Variants in PTPRO observed in about 807,000 individuals in gnomAD.
PTPRO encodes the protein protein tyrosine phosphatase receptor type O, also known as receptor-type tyrosine-protein phosphatase O.
In PTPRO, 62 loss-of-function variants were observed where a neutral mutation model predicts 145.2. The ratio of observed to expected loss-of-function variants is 0.43; its 90% CI spans 0.35 to 0.53. PTPRO has a LOEUF of 0.53. Among genes scored for constraint, PTPRO ranks in the 20% least tolerant of loss-of-function variants. The pLI is 0.01. For missense variants in PTPRO, 1,345 were observed against 1,482.7 expected (o/e 0.91, Z 1.53); for synonymous variants, 565 against 514.7 (o/e 1.10, Z -1.32).
rs532522103 is a variant in PTPRO at position 15,451,869 on chromosome 12, C to T, written c.76-32105C>T. On this transcript the variant is annotated intron_variant, in intron 1 of 26. Coordinates refer to ENST00000281171, the MANE Select transcript of PTPRO (RefSeq NM_030667.3). ...CTGTGCTGAGAGAAAACTTCATAGC[C>T]TTGAATGCCTACATCAAAGAGTCTG... 2.0e-5 allele frequency among the ~76,000 whole-genome samples: 3 copies of T among 152,254 alleles called. No homozygotes were observed. The South Asian group carries it at 6.2e-4, about 32-fold the overall frequency.
At chr12:15,323,821 T>C (rs981684226) in intron 1 of PTPRO, among the ~76,000 whole-genome samples, 10 of 152,296 alleles carry the variant, frequency 6.6e-5, no homozygotes, top group South Asian at 6.2e-4. Flanking sequence ...AGTCACTTCT[T>C]GCTTATATGC....
chr12:15,508,709 C>T lies in PTPRO; in HGVS notation c.1406C>T (p.Ser469Leu), dbSNP rs1942374072. 8 of 1,613,928 alleles carry T rather than the reference C, an allele frequency of 5.0e-6. No homozygotes were observed. Among genetic ancestry groups the T allele is most frequent in the Non-Finnish European group, 6.8e-6 (8 of 1,180,010 alleles). The change falls in exon 7 of 27, where the codon TCG becomes TTG. Residue 469 changes from serine to leucine, a missense_variant. Physicochemically the swap from Ser to Leu is moderately radical, Grantham distance 145. Around this residue, in one of 3 missense-constraint regions of PTPRO, gnomAD observed 1,130 missense variants for 1,214.7 expected, o/e 0.93. Coordinates refer to ENST00000281171, the MANE Select transcript of PTPRO (RefSeq NM_030667.3). ...NYNSTIVSVV[S>L]LTCQKQKESQ... Reference sequence around the variant, plus strand: ...AACAGCACCATTGTGTCTGTGGTGTCGCTGACCTGCCAGAAACAAAAGGAG... The same window carrying T: ...AACAGCACCATTGTGTCTGTGGTGTTGCTGACCTGCCAGAAACAAAAGGAG...
At chr12:15,392,720 CAAAAAAAAAA>C (rs1177789187) in intron 1 of PTPRO, among the ~76,000 whole-genome samples, 7 of 66,684 alleles carry the variant, frequency 1.0e-4, no homozygotes, top group South Asian at 7.6e-4. Context: ...GACCCTGTCT[CAAAAAAAAAA>C]AAAAAAAAAA....
intron 1 of PTPRO, among the ~76,000 whole-genome samples, chr12:15,397,911 C>A (rs542221482): frequency 6.6e-6 from 1 of 152,224 alleles, no homozygotes; most frequent in Non-Finnish European, 1.5e-5. Flanking sequence ...ATTATTATAG[C>A]AATGGATTAC....
At chr12:15,331,346 TGAA>T (rs1261166937) in intron 1 of PTPRO, among the ~76,000 whole-genome samples, 1 of 152,062 alleles carries the variant, frequency 6.6e-6, no homozygotes, top group Non-Finnish European at 1.5e-5. Context: ...TTCCGGGAAT[TGAA>T]GAATAAAAAA....
At chr12:15,520,397 A>G in intron 10 of PTPRO, 85 bp downstream of exon 10, 1 of 954,966 alleles carries the variant, frequency 1.0e-6, no homozygotes, top group Non-Finnish European at 1.7e-6. Flanking sequence ...AGAAAGTGCC[A>G]GTCATTCACC....
At chr12:15,391,897 A>G (rs1053995992) in intron 1 of PTPRO, among the ~76,000 whole-genome samples, 3 of 152,138 alleles carry the variant, frequency 2.0e-5, no homozygotes, top group Non-Finnish European at 4.4e-5. Context: ...TCTGGGACCA[A>G]TGTATTTTAG....
chr12:15,464,362 G>GT (rs201018150), intron 1 of PTPRO, among the ~76,000 whole-genome samples: 2,099 of 150,110 alleles, frequency 0.014, 43 homozygotes, highest in African/African-American at 0.047. Context: ...TTTGTTTTGG[G>GT]TTTTTTTTTG....
chr12:15,378,865 A>G lies in PTPRO; in HGVS notation c.75+56064A>G, dbSNP rs111300317. ...CAGTAACAAAAAGACAACCGTAGAC[A>G]ATGGATTTTGATAGACATTTTTCGA... On this transcript the variant is annotated intron_variant, in intron 1 of 26. Transcript: ENST00000281171. Among the ~76,000 whole-genome samples the G allele has an allele frequency of 5.0e-3, 759 of 152,314 alleles. 7 individuals are homozygous for G. Among genetic ancestry groups the G allele is most frequent in the African/African-American group, 0.018 (732 of 41,582 alleles).
intron 12 of PTPRO, among the ~76,000 whole-genome samples, chr12:15,528,212 A>T (rs1021291195): frequency 6.6e-6 from 1 of 151,760 alleles, no homozygotes; most frequent in Middle Eastern, 3.2e-3. Flanking sequence ...GTGAAGTCTG[A>T]CTATAAGATA....
chr12:15,386,566 G>T (rs1939035723), intron 1 of PTPRO, among the ~76,000 whole-genome samples: 2 of 152,066 alleles, frequency 1.3e-5, no homozygotes, highest in African/African-American at 4.8e-5. Flanking sequence ...TTGCCATGTT[G>T]TATGGCAAAA....
rs1362813149 is a variant in PTPRO at position 15,322,611 on chromosome 12, C to T, written c.-116C>T. 4.6e-6 allele frequency: 4 copies of T among 870,372 alleles called. No individual in the cohort carries two copies. The African/African-American group carries it at 5.0e-5, about 11-fold the overall frequency. The allele number at this position is 870,372 out of a possible 1,614,324, so 53.9% of individuals were successfully genotyped here. ...GGACTGGAAAGGCAGCATGCGCTCG[C>T]CAGGAGCAACCTCGGCGCCCAGGGT... On this transcript the variant is annotated 5_prime_UTR_variant, in exon 1 of 27. Transcript: ENST00000281171. This position sits in a 1 kb window ranked among gnomAD's most constrained non-coding sequence, Gnocchi z 6.3.
chr12:15,578,671 G>T (rs1272629452), intron 19 of PTPRO, among the ~76,000 whole-genome samples, 182 bp from the exon 20 acceptor site: 1 of 152,208 alleles, frequency 6.6e-6, no homozygotes, highest in East Asian at 1.9e-4. Flanking sequence ...GAGTGGACTT[G>T]ATTTCTATCT....
At chr12:15,380,057 A>T (rs923664432) in intron 1 of PTPRO, among the ~76,000 whole-genome samples, 4 of 152,152 alleles carry the variant, frequency 2.6e-5, no homozygotes, top group African/African-American at 9.6e-5. Flanking sequence ...CTAGAATAAC[A>T]TGTAATGTAT....
chr12:15,570,549 A>G (rs2135610477), intron 19 of PTPRO, among the ~76,000 whole-genome samples: 1 of 151,748 alleles, frequency 6.6e-6, no homozygotes, highest in Admixed American at 6.5e-5. Context: ...TGTGTCCTGA[A>G]AAATTCCACA....
In PTPRO at chr12:15,484,254, A is replaced by G. The variant is rs1410021207; in HGVS notation, c.349+7A>G. 2 of 1,612,966 alleles carry G rather than the reference A, an allele frequency of 1.2e-6. No individual in the cohort carries two copies. Among genetic ancestry groups the G allele is most frequent in the Admixed American group, 3.3e-5 (2 of 59,874 alleles). ...TCAATCACTGTGTTAACAAGTAAGC[A>G]TCATGTGTAATATTGTCCCGTTTCT... On this transcript the variant is annotated splice_region_variant and intron_variant, in intron 2 of 26. Coordinates refer to ENST00000281171, the MANE Select transcript of PTPRO (RefSeq NM_030667.3).
At chr12:15,515,833 C>G (rs1281601527) in intron 8 of PTPRO, among the ~76,000 whole-genome samples, 1 of 152,022 alleles carries the variant, frequency 6.6e-6, no homozygotes, top group Non-Finnish European at 1.5e-5. Context: ...GGCAAACATT[C>G]TTACTTTAGT....
intron 12 of PTPRO, among the ~76,000 whole-genome samples, chr12:15,526,942 A>T (rs1346291620): frequency 6.6e-6 from 1 of 152,194 alleles, no homozygotes; most frequent in African/African-American, 2.4e-5. Flanking sequence ...GCATAGATAC[A>T]GGTAGATACT....
In PTPRO at chr12:15,569,578, C is replaced by T. The variant is rs189516998; in HGVS notation, c.2829+80C>T. The stretch of plus-strand genomic sequence containing the variant: ...GGGGGTTTGTGTTGCGGTCATGTCC[C>T]TGCTCACTGGCAGTGCGTAACAAAA... On this transcript the variant is annotated intron_variant, in intron 19 of 26. Transcript: ENST00000281171. The T allele has an allele frequency of 3.3e-5, 41 of 1,251,144 alleles. No homozygotes were observed. In the Admixed American group the frequency reaches 6.7e-4, roughly 21 times the overall value. The allele number at this position is 1,251,144 out of a possible 1,614,324, so 77.5% of individuals were successfully genotyped here.
Sources: gnomAD v4.1 joint callset for allele counts (sites outside exome capture counted in the v4.1 genomes callset) on GRCh38, gnomAD v4.1.1 for gene constraint, gnomAD v4.1.1 regional missense constraint, Gnocchi (gnomAD v3.1) non-coding constraint, MANE v1.5 for transcripts, NCBI Gene and HGNC (gene_info 2026-07-23, HGNC 2026-07-21) for gene names.